Variants in SLC35F4 observed in about 807,000 individuals in gnomAD.
SLC35F4 encodes the protein solute carrier family 35 member F4.
In SLC35F4, 24 loss-of-function variants were observed where a neutral mutation model predicts 44.2. That is an observed-to-expected ratio of 0.54 (90% CI 0.39 to 0.76). The LOEUF (loss-of-function observed/expected upper bound fraction) is 0.76. Ranked by LOEUF, SLC35F4 falls within the 30% of genes least tolerant of loss-of-function variation. The probability of loss-of-function intolerance (pLI) is 0.00; values close to 1 mark genes in which losing one functional copy is unlikely to be tolerated. For missense variants in SLC35F4, 562 were observed against 586.1 expected (o/e 0.96, Z 0.42); for synonymous variants, 238 against 223.6 (o/e 1.06, Z -0.57).
At chr14:57,618,358 G>A (rs1359339153) in intron 1 of SLC35F4, among the ~76,000 whole-genome samples, 4 of 152,132 alleles carry the variant, frequency 2.6e-5, no homozygotes, top group African/African-American at 9.7e-5. Context: ...CCTGGGACTG[G>A]TTAGACAGTG....
chr14:57,952,745 A>G (rs1566512637), intron 1 of SLC35F4, among the ~76,000 whole-genome samples: 1 of 151,788 alleles, frequency 6.6e-6, no homozygotes, highest in Non-Finnish European at 1.5e-5. Context: ...AGAAAAAAGA[A>G]TGAAAAGGAA....
At chr14:57,777,476 G>A (rs62003432) in intron 1 of SLC35F4, among the ~76,000 whole-genome samples, 43,448 of 151,898 alleles carry the variant, frequency 0.29, 6,809 homozygotes, top group Admixed American at 0.4. Context: ...TGTCTTTTGC[G>A]TGGACATGGA....
intron 1 of SLC35F4, among the ~76,000 whole-genome samples, chr14:57,600,026 G>A (rs947330924): frequency 2.0e-5 from 3 of 151,968 alleles, no homozygotes; most frequent in Admixed American, 1.3e-4. Context: ...AAGTTGGGTG[G>A]AAAAAAGTGG....
chr14:57,735,028 T>A (rs532935701), intron 1 of SLC35F4, among the ~76,000 whole-genome samples: 1 of 152,184 alleles, frequency 6.6e-6, no homozygotes, highest in Non-Finnish European at 1.5e-5. Context: ...AGCTGTTTTT[T>A]TTTTAAGACT....
At chr14:57,899,268 A>C (rs808242) in intron 1 of SLC35F4, among the ~76,000 whole-genome samples, 25,085 of 152,130 alleles carry the variant, frequency 0.16, 2,189 homozygotes, top group South Asian at 0.23. Context: ...TTCCTGCATT[A>C]TTTCCCGTTT....
At chr14:57,757,212 A>T (rs1206847435) in intron 1 of SLC35F4, among the ~76,000 whole-genome samples, 1 of 152,124 alleles carries the variant, frequency 6.6e-6, no homozygotes, top group African/African-American at 2.4e-5. Flanking sequence ...ATGGCCAGTG[A>T]CATGAGTTTT....
intron 1 of SLC35F4, among the ~76,000 whole-genome samples, chr14:57,646,301 G>A (rs911740194): frequency 6.6e-6 from 1 of 152,030 alleles, no homozygotes; most frequent in Non-Finnish European, 1.5e-5. Flanking sequence ...CAATTTCAGA[G>A]CCTGTTATTG....
intron 1 of SLC35F4, among the ~76,000 whole-genome samples, chr14:57,844,226 A>G (rs2140968451): frequency 6.6e-6 from 1 of 152,328 alleles, no homozygotes; most frequent in African/African-American, 2.4e-5. Flanking sequence ...AATGTCAGAA[A>G]CAAGCATGGG....
chr14:57,743,267 A>G (rs148516454), intron 1 of SLC35F4, among the ~76,000 whole-genome samples: 13,333 of 152,244 alleles, frequency 0.088, 614 homozygotes, highest in African/African-American at 0.1. Flanking sequence ...ACCCTTCAAA[A>G]AATCAATGAA....
At chr14:57,927,415 C>T (rs995614894) in intron 1 of SLC35F4, among the ~76,000 whole-genome samples, 21 of 150,194 alleles carry the variant, frequency 1.4e-4, no homozygotes, top group African/African-American at 4.6e-4. Context: ...TGACTGGTTA[C>T]CTTTGTCTGG....
intron 3 of SLC35F4, among the ~76,000 whole-genome samples, chr14:57,584,217 A>G (rs775655246): frequency 3.3e-5 from 5 of 152,164 alleles, no homozygotes; most frequent in Admixed American, 6.5e-5. Context: ...ATTCTCTTGT[A>G]GTATATAAAT....
Position 57,677,976 on chromosome 14 carries a change from G to T in SLC35F4, c.104-83852C>A, listed in dbSNP as rs992410857. ...AAGATGACATTTGCCTTGCTAGGTT[G>T]GGGAAATTATCCAGGATCCATATTC... On this transcript the variant is annotated intron_variant, in intron 1 of 7. Coordinates refer to ENST00000556826, the MANE Select transcript of SLC35F4 (RefSeq NM_001306087.2). Among the ~76,000 whole-genome samples, 106 of 151,952 alleles carry T rather than the reference G, an allele frequency of 7.0e-4. 2 individuals carry two copies. Among genetic ancestry groups the T allele is most frequent in the Non-Finnish European group, 5.9e-5 (4 of 67,900 alleles).
chr14:57,977,249 T>A (rs748227092), intron 1 of SLC35F4, among the ~76,000 whole-genome samples: 4 of 152,122 alleles, frequency 2.6e-5, no homozygotes, highest in African/African-American at 4.8e-5. Flanking sequence ...TAGTTTTTAG[T>A]GGGGTTACAG....
intron 1 of SLC35F4, among the ~76,000 whole-genome samples, chr14:57,738,217 T>C (rs1357986113): frequency 1.3e-5 from 2 of 152,136 alleles, no homozygotes; most frequent in African/African-American, 2.4e-5. Context: ...AAAACTTTTG[T>C]TGAGTGTCTA....
intron 1 of SLC35F4, among the ~76,000 whole-genome samples, chr14:57,614,540 C>CAAA (rs2071694866): frequency 6.6e-6 from 1 of 152,092 alleles, no homozygotes; most frequent in Non-Finnish European, 1.5e-5. Context: ...AAGAAACAGA[C>CAAA]AAAAAGGATG....
chr14:57,731,949 G>A (rs1232876284), intron 1 of SLC35F4, among the ~76,000 whole-genome samples: 1 of 152,158 alleles, frequency 6.6e-6, no homozygotes, highest in African/African-American at 2.4e-5. Context: ...TAATATCATT[G>A]AACCTAGAGC....
intron 2 of SLC35F4, among the ~76,000 whole-genome samples, chr14:57,590,394 A>C (rs1375270791): frequency 6.6e-6 from 1 of 151,696 alleles, no homozygotes; most frequent in African/African-American, 2.4e-5. Flanking sequence ...CCCAGTCTCT[A>C]AAAAAAATGC....
intron 1 of SLC35F4, among the ~76,000 whole-genome samples, chr14:57,906,772 G>T (rs1053343594): frequency 6.6e-5 from 10 of 152,154 alleles, no homozygotes; most frequent in Non-Finnish European, 1.5e-4. Flanking sequence ...TGTGTGTCAT[G>T]ATAAAAATTA....
At chr14:57,658,718 C>T (rs542787833) in intron 1 of SLC35F4, among the ~76,000 whole-genome samples, 57 of 152,252 alleles carry the variant, frequency 3.7e-4, no homozygotes, top group Non-Finnish European at 6.6e-4. Flanking sequence ...AAAATCATGA[C>T]TCAGTAGGCA....
Sources: gnomAD v4.1 joint callset for allele counts (sites outside exome capture counted in the v4.1 genomes callset) on GRCh38, gnomAD v4.1.1 for gene constraint, MANE v1.5 for transcripts, NCBI Gene and HGNC (gene_info 2026-07-23, HGNC 2026-07-21) for gene names.